The following SSBP3 variants were observed in gnomAD, a reference collection of about 807,000 sequenced individuals.
SSBP3 encodes the protein single-stranded DNA-binding protein 3.
In SSBP3, 5 loss-of-function variants were observed where a neutral mutation model predicts 69.6. The ratio of observed to expected loss-of-function variants is 0.07; its 90% CI spans 0.04 to 0.15. SSBP3 has a LOEUF of 0.15. Among genes scored for constraint, SSBP3 ranks in the 10% least tolerant of loss-of-function variants. The pLI, the probability that SSBP3 is intolerant of heterozygous loss-of-function variation, is 1.00. For missense variants in SSBP3, 312 were observed against 534.0 expected, an observed-to-expected ratio of 0.58 and a Z score of 4.10; for synonymous variants, 196 against 193.4, an observed-to-expected ratio of 1.01 and a Z score of -0.11.
At chr1:54,288,583 G>A (rs1023480850) in intron 4 of SSBP3, among the ~76,000 whole-genome samples, 1 of 77,454 alleles carries the variant, frequency 1.3e-5, no homozygotes, top group Non-Finnish European at 2.7e-5. Flanking sequence ...ACATCAGCAG[G>A]GGTGGGGGGG....
rs189308104 is a variant in SSBP3, at chr1:54,261,194, C to G, written c.367-3045G>C. Among the ~76,000 whole-genome samples, 4 of 152,358 alleles carry G rather than the reference C, an allele frequency of 2.6e-5. No individual in the cohort carries two copies. The East Asian group carries it at 5.8e-4, about 22-fold the overall frequency. On this transcript the variant is annotated intron_variant, in intron 5 of 17. Transcript: ENST00000610401. ...GCCTAGCAGTCTCACGGGCAGAGAT[C>G]CGTGTTTGTGGAAGCATTTGCTTCT...
intron 4 of SSBP3, among the ~76,000 whole-genome samples, chr1:54,292,270 C>T (rs187888534): frequency 6.6e-6 from 1 of 152,334 alleles, no homozygotes; most frequent in Admixed American, 6.5e-5. Flanking sequence ...CAATTAATTC[C>T]CCTCTACCGA....
At chr1:54,371,739 C>G (rs1040294566) in intron 4 of SSBP3, among the ~76,000 whole-genome samples, 2 of 152,150 alleles carry the variant, frequency 1.3e-5, no homozygotes, top group African/African-American at 4.8e-5. Context: ...CACTGGGCAC[C>G]GTGCCCACGT....
At chr1:54,408,002 A>G (rs74856630), upstream of SSBP3, among the ~76,000 whole-genome samples, 7,531 of 152,218 alleles carry the variant, frequency 0.049, 223 homozygotes, top group African/African-American at 0.08. Flanking sequence ...GCAGCAAAAG[A>G]ATCTGCATTG....
chr1:54,398,816 T>C (rs887790426), intron 4 of SSBP3, among the ~76,000 whole-genome samples: 1 of 152,178 alleles, frequency 6.6e-6, no homozygotes, highest in African/African-American at 2.4e-5. Context: ...GTTCCCCCAA[T>C]GCTCCCGTTG....
intron 9 of SSBP3, among the ~76,000 whole-genome samples, chr1:54,247,874 C>T (rs1644760796): frequency 6.6e-6 from 1 of 152,194 alleles, no homozygotes; most frequent in Admixed American, 6.5e-5. Context: ...TACTGACATA[C>T]ATAAAACTTT....
chr1:54,231,424 CAA>C (rs1157495692), intron 14 of SSBP3, among the ~76,000 whole-genome samples: 1 of 152,188 alleles, frequency 6.6e-6, no homozygotes, highest in Non-Finnish European at 1.5e-5. Context: ...ATTTTGAATT[CAA>C]GTCCCTTATC....
chr1:54,282,073 A>ATAATAAT (rs1553130850), intron 4 of SSBP3, among the ~76,000 whole-genome samples: 91 of 151,266 alleles, frequency 6.0e-4, no homozygotes, highest in African/African-American at 2.2e-3. Context: ...AATAATAATA[A>ATAATAAT]AAAAATGGGG....
chr1:54,301,122 CTG>C (rs1373398259), intron 4 of SSBP3, among the ~76,000 whole-genome samples: 3 of 152,212 alleles, frequency 2.0e-5, no homozygotes, highest in Admixed American at 6.5e-5. Flanking sequence ...CTTGGGAAAA[CTG>C]GGGCTCAGAG....
chr1:54,381,251 C>T (rs955796911), intron 4 of SSBP3, among the ~76,000 whole-genome samples: 3 of 151,730 alleles, frequency 2.0e-5, no homozygotes, highest in African/African-American at 4.8e-5. Flanking sequence ...GGCGTGGTGG[C>T]GTGCGCCTGC....
chr1:54,385,307 T>TA (rs1470206658), intron 4 of SSBP3, among the ~76,000 whole-genome samples: 3 of 152,206 alleles, frequency 2.0e-5, no homozygotes, highest in Non-Finnish European at 4.4e-5. Context: ...TTGGCTCCCT[T>TA]AGCTGTCTTT....
rs528019063 is a variant in SSBP3, at chr1:54,309,342, C to T, written c.277-27815G>A. On this transcript the variant is annotated intron_variant, in intron 4 of 17. Coordinates refer to ENST00000610401, the Ensembl canonical transcript of SSBP3. ...CTAATGAGAGCTGATGATACTGAGT[C>T]GGGCCAGCCCAAGTTGACATTGGCG... Among the ~76,000 whole-genome samples the T allele has an allele frequency of 1.2e-4, 18 of 152,328 alleles. No homozygotes were observed. The South Asian group carries it at 2.7e-3, about 23-fold the overall frequency.
chr1:54,281,649 A>C, intron 4 of SSBP3, 122 bp from the exon 5 acceptor site: 1 of 888,236 alleles, frequency 1.1e-6, no homozygotes, highest in Non-Finnish European at 1.8e-6. Context: ...CTCACAGGCC[A>C]CTTTCTACTT....
intron 4 of SSBP3, among the ~76,000 whole-genome samples, chr1:54,281,763 C>G (rs1449807543): frequency 6.6e-6 from 1 of 152,144 alleles, no homozygotes; most frequent in Non-Finnish European, 1.5e-5. Flanking sequence ...CCGGCCCCCA[C>G]TGAGCAAGCA....
intron 4 of SSBP3, among the ~76,000 whole-genome samples, chr1:54,374,435 T>C (rs1178211935): frequency 6.6e-6 from 1 of 152,220 alleles, no homozygotes; most frequent in African/African-American, 2.4e-5. Flanking sequence ...CTTGAGGCCC[T>C]GCTGGCCCTG....
intron 2 of SSBP3, 21 bp downstream of exon 2, chr1:54,404,837 G>A (rs1341123802): frequency 2.6e-6 from 4 of 1,535,030 alleles, no homozygotes; most frequent in Non-Finnish European, 3.6e-6. Flanking sequence ...GAAATTGGAT[G>A]CTGGGGGGAG....
chr1:54,319,759 GA>G (rs577649458), intron 4 of SSBP3, among the ~76,000 whole-genome samples: 38 of 147,756 alleles, frequency 2.6e-4, no homozygotes, highest in African/African-American at 8.5e-4. Flanking sequence ...TAGGTTTAAA[GA>G]AAAAAAAAAG....
chr1:54,347,800 G>T (rs770745005), intron 4 of SSBP3, among the ~76,000 whole-genome samples: 1 of 152,236 alleles, frequency 6.6e-6, no homozygotes, highest in Non-Finnish European at 1.5e-5. Context: ...TAAGAGAAAG[G>T]CATGGGCAGA....
Position 54,239,117 on chromosome 1 carries a change from A to T in SSBP3, c.927+12T>A. On this transcript the variant is annotated intron_variant, in intron 14 of 17. Coordinates refer to ENST00000610401, the Ensembl canonical transcript of SSBP3. ...GGTGTCTGATATGTAAATTATTAGA[A>T]AGCAGACTTACGTTGGACCGGCTGC... 3 of 1,610,498 alleles carry T rather than the reference A, an allele frequency of 1.9e-6. No homozygotes were observed. Among genetic ancestry groups the T allele is most frequent in the Non-Finnish European group, 2.5e-6 (3 of 1,176,802 alleles).
Sources: allele counts gnomAD v4.1 joint callset (sites outside exome capture counted in the v4.1 genomes callset), GRCh38; gene constraint gnomAD v4.1.1; transcripts MANE v1.5; gene names NCBI Gene and HGNC (gene_info 2026-07-23, HGNC 2026-07-21).